Variants in FGF13 observed in about 807,000 individuals in gnomAD.
The protein encoded by FGF13 is fibroblast growth factor 13.
Under a neutral mutation model 19.5 loss-of-function variants are expected in FGF13, and 2 were observed. The observed-to-expected ratio is 0.10, with a 90% CI of 0.04 to 0.32. FGF13 has a LOEUF of 0.32. Among genes scored for constraint, FGF13 ranks in the 10% least tolerant of loss-of-function variants. The probability of loss-of-function intolerance (pLI) is 1.00; values close to 1 mark genes in which losing one functional copy is unlikely to be tolerated. For synonymous variants in FGF13, 72 were observed against 76.9 expected (o/e 0.94, Z 0.33); for missense variants, 113 against 192.7 (o/e 0.59, Z 2.45).
chrX:138,725,610 A>C lies in FGF13; in HGVS notation c.28+13632T>G, dbSNP rs1196501089. 6.3e-5 allele frequency among the ~76,000 whole-genome samples: 7 copies of C among 111,832 alleles called. No homozygotes were observed. The East Asian group carries it at 1.7e-3, about 27-fold the overall frequency. Reference sequence around the variant, plus strand: ...GCCAGCACCAGACATTATGAATTTCAAGTCTGTACTTCTTCAGGGAAGCTG... The same window carrying C: ...GCCAGCACCAGACATTATGAATTTCCAGTCTGTACTTCTTCAGGGAAGCTG... On this transcript the variant is annotated intron_variant, in intron 1 of 4. Coordinates refer to the FGF13 transcript ENST00000305414.
intron 1 of FGF13, among the ~76,000 whole-genome samples, chrX:139,179,147 T>A (rs2084218002): frequency 2.7e-5 from 3 of 112,044 alleles, no homozygotes; most frequent in Non-Finnish European, 5.6e-5. Flanking sequence ...TCCATGATAC[T>A]GCCTATTACT....
intron 3 of FGF13, among the ~76,000 whole-genome samples, chrX:138,794,787 A>G (rs908467457): frequency 1.8e-5 from 2 of 111,887 alleles, no homozygotes; most frequent in African/African-American, 6.5e-5. Context: ...AGTCTCTATC[A>G]CTGTTACCAA....
At chrX:139,048,600 T>TTAATCTCACATAG (rs2092295226) in intron 1 of FGF13, among the ~76,000 whole-genome samples, 1 of 108,070 alleles carries the variant, frequency 9.3e-6, no homozygotes, top group African/African-American at 3.4e-5. Flanking sequence ...AATGTTGTGA[T>TTAATCTCACATAG]TAATCTCACA....
intron 1 of FGF13, among the ~76,000 whole-genome samples, chrX:138,732,985 C>T (rs1367441387): frequency 9.0e-6 from 1 of 111,102 alleles, no homozygotes; most frequent in African/African-American, 3.3e-5. Flanking sequence ...ATATTGATGG[C>T]ACACACTAAA....
intron 1 of FGF13, among the ~76,000 whole-genome samples, chrX:138,932,302 C>T (rs763083438): frequency 9.8e-5 from 11 of 112,030 alleles, no homozygotes; most frequent in African/African-American, 3.2e-4. Flanking sequence ...AAACCCCAGC[C>T]GAGTGCAATG....
intron 1 of FGF13, among the ~76,000 whole-genome samples, chrX:139,005,624 T>C (rs916714292): frequency 1.8e-5 from 2 of 109,970 alleles, no homozygotes; most frequent in African/African-American, 3.3e-5. Context: ...GAAAGAGATA[T>C]GTGACCTTCT....
intron 3 of FGF13, among the ~76,000 whole-genome samples, chrX:138,788,445 G>A (rs954577046): frequency 1.8e-5 from 2 of 112,295 alleles, no homozygotes; most frequent in African/African-American, 6.5e-5. Flanking sequence ...GCTGGGCAGG[G>A]GTCAGGCCCC....
At chrX:138,892,032 G>A (rs193072832) in intron 1 of FGF13, among the ~76,000 whole-genome samples, 6 of 108,291 alleles carry the variant, frequency 5.5e-5, no homozygotes, top group African/African-American at 2.1e-4. Context: ...GTGTGTGTGT[G>A]TATTATCTCC....
chrX:139,000,596 A>C (rs994286514), intron 1 of FGF13, among the ~76,000 whole-genome samples: 10 of 111,723 alleles, frequency 9.0e-5, no homozygotes, highest in African/African-American at 1.3e-4. Flanking sequence ...ATTGCTACAA[A>C]GAGAATAAAA....
At chrX:139,102,150 T>C (rs2083519681) in intron 1 of FGF13, among the ~76,000 whole-genome samples, 2 of 112,402 alleles carry the variant, frequency 1.8e-5, no homozygotes, top group African/African-American at 6.5e-5. Context: ...ATAATTATTA[T>C]AAAACAGCCT....
chrX:139,154,900 A>T (rs111468367), intron 1 of FGF13, among the ~76,000 whole-genome samples: 2,227 of 111,969 alleles, frequency 0.02, 51 homozygotes, highest in African/African-American at 0.068. Context: ...AAGGATTTTT[A>T]AAAAAATATT....
chrX:138,985,918 T>C (rs1359715503), intron 1 of FGF13, among the ~76,000 whole-genome samples: 2 of 111,896 alleles, frequency 1.8e-5, no homozygotes, highest in Non-Finnish European at 3.8e-5. Context: ...AAAAGACTGC[T>C]GGCATATGTG....
At chrX:138,649,986 G>T (rs1443096591) in intron 3 of FGF13, among the ~76,000 whole-genome samples, 1 of 112,029 alleles carries the variant, frequency 8.9e-6, no homozygotes, top group African/African-American at 3.2e-5. Context: ...TGCCTATCAC[G>T]TGCACTAGTT....
chrX:138,902,870 C>T (rs769058508), intron 1 of FGF13, among the ~76,000 whole-genome samples: 7 of 111,208 alleles, frequency 6.3e-5, no homozygotes, highest in Non-Finnish European at 1.3e-4. Flanking sequence ...CCCATTACCA[C>T]ATTTGACTAA....
intron 1 of FGF13, among the ~76,000 whole-genome samples, chrX:138,720,232 A>G (rs939726381): frequency 1.8e-5 from 2 of 112,551 alleles, no homozygotes; most frequent in Non-Finnish European, 3.8e-5. Context: ...AGGAAACAAT[A>G]TTGAAAGAAA....
chrX:138,743,449 T>C (rs1044522625), upstream of FGF13, among the ~76,000 whole-genome samples: 1 of 111,542 alleles, frequency 9.0e-6, no homozygotes, highest in African/African-American at 3.3e-5. Flanking sequence ...TGTATGATAC[T>C]ATAATGGCCT....
intron 3 of FGF13, among the ~76,000 whole-genome samples, chrX:138,837,315 T>C: frequency 8.9e-6 from 1 of 111,792 alleles, no homozygotes; most frequent in Non-Finnish European, 1.9e-5. Context: ...CCCCTACCAT[T>C]GGGAGCTGCA....
At chrX:139,150,723 C>T (rs1045964385) in intron 1 of FGF13, among the ~76,000 whole-genome samples, 1 of 111,783 alleles carries the variant, frequency 8.9e-6, no homozygotes, top group East Asian at 2.8e-4. Flanking sequence ...AATGCCTGCA[C>T]AGAGCTGATA....
At chrX:139,002,665 C>G (rs1179100664) in intron 1 of FGF13, among the ~76,000 whole-genome samples, 3 of 111,335 alleles carry the variant, frequency 2.7e-5, no homozygotes, top group Non-Finnish European at 1.9e-5. Flanking sequence ...ACATCTCTGT[C>G]TTGCATCACG....
Sources: allele counts gnomAD v4.1 joint callset (sites outside exome capture counted in the v4.1 genomes callset), GRCh38; gene constraint gnomAD v4.1.1; transcripts MANE v1.5; gene names NCBI Gene and HGNC (gene_info 2026-07-23, HGNC 2026-07-21).